Variants in SGCE observed in about 807,000 individuals in gnomAD.
The protein encoded by SGCE is epsilon-sarcoglycan.
Under a neutral mutation model 57.8 loss-of-function variants are expected in SGCE, and 26 were observed. The observed-to-expected ratio is 0.45, with a 90% CI of 0.33 to 0.62. The LOEUF is 0.62. Among genes scored for constraint, SGCE ranks in the 20% least tolerant of loss-of-function variants. The pLI, the probability that SGCE is intolerant of heterozygous loss-of-function variation, is 0.02. For synonymous variants in SGCE, 183 were observed against 189.5 expected (o/e 0.97, Z 0.28); for missense variants, 468 against 548.6 (o/e 0.85, Z 1.47).
intron 1 of SGCE, among the ~76,000 whole-genome samples, chr7:94,643,067 T>C (rs1806619285): frequency 6.6e-6 from 1 of 152,378 alleles, no homozygotes; most frequent in South Asian, 2.1e-4. Flanking sequence ...AGCTTCTCTT[T>C]TGTTCCTTCC....
At chr7:94,651,233 A>G (rs1757748273) in intron 1 of SGCE, among the ~76,000 whole-genome samples, 1 of 152,222 alleles carries the variant, frequency 6.6e-6, no homozygotes, top group African/African-American at 2.4e-5. Context: ...TGCTTTCAGC[A>G]CAGCATTGCA....
At chr7:94,645,890 C>A (rs1806999539) in intron 1 of SGCE, among the ~76,000 whole-genome samples, 3 of 151,966 alleles carry the variant, frequency 2.0e-5, no homozygotes, top group Non-Finnish European at 4.4e-5. Context: ...AAAAATATAT[C>A]TTCAAATGAA....
chr7:94,622,589 A>C (rs1441016958), intron 4 of SGCE: 3 of 151,438 alleles, frequency 2.0e-5, no homozygotes, highest in Non-Finnish European at 4.4e-5. Flanking sequence ...AGATGGTGCC[A>C]TTGCACTCCA....
At chr7:94,588,643 T>G in intron 10 of SGCE, 46 bp downstream of exon 10, 1 of 1,568,178 alleles carries the variant, frequency 6.4e-7, no homozygotes, top group Non-Finnish European at 8.8e-7. Context: ...TCTTTTAATC[T>G]ATTAGATTCA....
chr7:94,614,591 A>G (rs1235091336), intron 5 of SGCE, among the ~76,000 whole-genome samples: 1 of 151,874 alleles, frequency 6.6e-6, no homozygotes, highest in East Asian at 1.9e-4. Context: ...TAGCGTTCCC[A>G]TTTCTCATTT....
At chr7:94,623,629 A>C (rs1803195520) in intron 3 of SGCE, 1 of 502,500 alleles carries the variant, frequency 2.0e-6, no homozygotes, top group Non-Finnish European at 3.5e-6. Flanking sequence ...AGTTAAAATC[A>C]GAAAGACTCT....
At chr7:94,624,298 CT>C (rs1803351514) in intron 3 of SGCE, 1 of 397,400 alleles carries the variant, frequency 2.5e-6, no homozygotes, top group Non-Finnish European at 4.4e-6. Flanking sequence ...AAATAAATAT[CT>C]TGTGCATTTT....
At chr7:94,591,047 G>T (rs1001531112) in intron 9 of SGCE, among the ~76,000 whole-genome samples, 3 of 151,994 alleles carry the variant, frequency 2.0e-5, no homozygotes, top group African/African-American at 4.8e-5. Context: ...TCATCCCGAC[G>T]ATTATATTCG....
At chr7:94,652,446 T>C (rs13307062) in intron 1 of SGCE, among the ~76,000 whole-genome samples, 19,422 of 152,154 alleles carry the variant, frequency 0.13, 1,495 homozygotes, top group South Asian at 0.25. Context: ...AATATTTGAC[T>C]TGGGAATTTT....
intron 9 of SGCE, among the ~76,000 whole-genome samples, chr7:94,591,130 T>C (rs28727478): frequency 0.012 from 1,807 of 152,304 alleles, 34 homozygotes; most frequent in African/African-American, 0.041. Flanking sequence ...TGTTTGTTCT[T>C]TCAGAATTTC....
chr7:94,637,749 G>A (rs1489266379), intron 1 of SGCE, among the ~76,000 whole-genome samples: 2 of 152,186 alleles, frequency 1.3e-5, no homozygotes, highest in Non-Finnish European at 2.9e-5. Context: ...GAGAACAGAG[G>A]TTCCAGGGAT....
chr7:94,585,588 A>C (rs1382123949), intron 10 of SGCE, 73 bp from the exon 11 acceptor site: 2 of 949,780 alleles, frequency 2.1e-6, no homozygotes, highest in Non-Finnish European at 3.5e-6. Context: ...GAGCAAAGCA[A>C]ATTATGGCAA....
At chr7:94,588,617 T>C in intron 10 of SGCE, 72 bp downstream of exon 10, 1 of 1,552,264 alleles carries the variant, frequency 6.4e-7, no homozygotes, top group Non-Finnish European at 8.8e-7. Flanking sequence ...TCATAAATTA[T>C]ATAGTGCCAT....
At chr7:94,632,525 T>C (rs750535915) in intron 1 of SGCE, among the ~76,000 whole-genome samples, 3 of 152,126 alleles carry the variant, frequency 2.0e-5, no homozygotes, top group Non-Finnish European at 4.4e-5. Context: ...CAGTAAAGGC[T>C]GCTTCACTTT....
At chr7:94,596,150 T>G (rs934634029) in intron 9 of SGCE, among the ~76,000 whole-genome samples, 13 of 152,134 alleles carry the variant, frequency 8.5e-5, no homozygotes, top group African/African-American at 3.1e-4. Flanking sequence ...TAGAGAGATC[T>G]GATCAACCTA....
intron 8 of SGCE, 62 bp downstream of exon 8, chr7:94,599,635 T>A: frequency 7.7e-7 from 1 of 1,305,082 alleles, no homozygotes; most frequent in Non-Finnish European, 1.1e-6. Flanking sequence ...GTATGGAGCA[T>A]GATGGGCAAC....
intron 5 of SGCE, among the ~76,000 whole-genome samples, chr7:94,607,196 T>G (rs1562820578): frequency 6.6e-6 from 1 of 152,122 alleles, no homozygotes. Flanking sequence ...TCCAGATGGG[T>G]TCACTGTTGA....
intron 1 of SGCE, among the ~76,000 whole-genome samples, chr7:94,633,505 C>T (rs1292619209): frequency 1.3e-5 from 2 of 151,992 alleles, no homozygotes; most frequent in Non-Finnish European, 1.5e-5. Flanking sequence ...ACCTTGTTCA[C>T]AAAACTGTTA....
intron 10 of SGCE, chr7:94,587,110 T>C: frequency 1.0e-6 from 1 of 984,000 alleles, no homozygotes; most frequent in Non-Finnish European, 1.2e-6. Flanking sequence ...AATAATTTTA[T>C]AAATTAGGTT....
Sources: allele counts gnomAD v4.1 joint callset (sites outside exome capture counted in the v4.1 genomes callset), GRCh38; gene constraint gnomAD v4.1.1; transcripts MANE v1.5; gene names NCBI Gene and HGNC (gene_info 2026-07-23, HGNC 2026-07-21).